The following PLXDC2 variants were observed in gnomAD, a reference collection of about 807,000 sequenced individuals.
PLXDC2 encodes the protein plexin domain containing 2.
PLXDC2 carries 40 observed loss-of-function variants against 68.9 expected under a neutral mutation model. That is an observed-to-expected ratio of 0.58 (90% CI 0.45 to 0.76). The LOEUF (loss-of-function observed/expected upper bound fraction) is 0.76, where lower values mean the gene tolerates loss of function less well. PLXDC2 is among the 30% of genes least tolerant of loss of function. The pLI is 0.00. For missense variants in PLXDC2, 644 were observed against 661.9 expected, an observed-to-expected ratio of 0.97 and a Z score of 0.30; for synonymous variants, 243 against 234.2, an observed-to-expected ratio of 1.04 and a Z score of -0.34.
intron 1 of PLXDC2, among the ~76,000 whole-genome samples, chr10:19,839,159 C>T (rs1589494041): frequency 6.7e-6 from 1 of 148,906 alleles, no homozygotes; most frequent in African/African-American, 2.5e-5. Flanking sequence ...GCACTCCAGC[C>T]TGAGAGACAA....
chr10:19,829,092 T>C (rs1202704337), intron 1 of PLXDC2, among the ~76,000 whole-genome samples: 1 of 151,824 alleles, frequency 6.6e-6, no homozygotes, highest in Non-Finnish European at 1.5e-5. Flanking sequence ...AGGATCCCCG[T>C]ACATTGTCTC....
intron 1 of PLXDC2, among the ~76,000 whole-genome samples, chr10:19,852,146 T>C (rs540730805): frequency 1.2e-4 from 19 of 152,116 alleles, no homozygotes; most frequent in Non-Finnish European, 2.5e-4. Flanking sequence ...GGCTCACACA[T>C]GTAATCCCAG....
At chr10:20,153,536 T>A (rs1430283111) in intron 6 of PLXDC2, among the ~76,000 whole-genome samples, 1 of 152,204 alleles carries the variant, frequency 6.6e-6, no homozygotes, top group Non-Finnish European at 1.5e-5. Flanking sequence ...GTAGAAATGA[T>A]CTTAATCTTG....
rs2119403519 is a variant in PLXDC2, at chr10:20,283,000, G to A, written c.*3181G>A. The A allele has an allele frequency of 6.6e-6, 1 of 152,238 alleles. No homozygotes were observed. The allele number at this position is 152,238 out of a possible 1,614,324, so 9.4% of individuals were successfully genotyped here. On this transcript the variant is annotated 3_prime_UTR_variant, in exon 14 of 14. Transcript: ENST00000377252. ...TCAGTCACACCAGCCACATTTCAAA[G>A]GCTCAATAGCCACGCCTGGCTTGTG... is the stretch of plus-strand genomic sequence containing the variant.
chr10:20,059,428 G>T (rs1016353489), intron 3 of PLXDC2, among the ~76,000 whole-genome samples: 2 of 152,136 alleles, frequency 1.3e-5, no homozygotes, highest in African/African-American at 4.8e-5. Flanking sequence ...TCACTTATTC[G>T]CAAGTTCATG....
At chr10:19,867,975 T>A (rs553141716) in intron 1 of PLXDC2, among the ~76,000 whole-genome samples, 1 of 152,334 alleles carries the variant, frequency 6.6e-6, no homozygotes, top group South Asian at 2.1e-4. Context: ...AAGTTTCAAC[T>A]AGGTTTAAAC....
chr10:19,879,211 A>G (rs1837685540), intron 1 of PLXDC2, among the ~76,000 whole-genome samples: 1 of 152,196 alleles, frequency 6.6e-6, no homozygotes, highest in Non-Finnish European at 1.5e-5. Flanking sequence ...ACAACTTCCA[A>G]AATACCCTAA....
chr10:20,072,493 GAGAA>G (rs55848042), intron 4 of PLXDC2, among the ~76,000 whole-genome samples: 1,296 of 80,750 alleles, frequency 0.016, 13 homozygotes, highest in Middle Eastern at 0.055. Flanking sequence ...AAGAAAGAAA[GAGAA>G]AGAAAGAAAG....
intron 4 of PLXDC2, among the ~76,000 whole-genome samples, chr10:20,097,108 A>G (rs898862765): frequency 6.6e-5 from 10 of 152,086 alleles, no homozygotes; most frequent in African/African-American, 2.4e-4. Flanking sequence ...CAGTGCTTTG[A>G]ATTGATCTAG....
At chr10:20,148,852 T>C (rs2131798831) in intron 6 of PLXDC2, among the ~76,000 whole-genome samples, 1 of 152,328 alleles carries the variant, frequency 6.6e-6, no homozygotes, top group Admixed American at 6.5e-5. Context: ...GAATGCCCTT[T>C]GGTCAAATCT....
intron 4 of PLXDC2, among the ~76,000 whole-genome samples, chr10:20,087,298 G>A (rs1833213071): frequency 6.6e-6 from 1 of 152,084 alleles, no homozygotes; most frequent in Non-Finnish European, 1.5e-5. Flanking sequence ...GTGTTCATGT[G>A]AGCTGTTTAG....
At chr10:19,867,878 C>G (rs1031739148) in intron 1 of PLXDC2, among the ~76,000 whole-genome samples, 3 of 152,048 alleles carry the variant, frequency 2.0e-5, no homozygotes, top group Non-Finnish European at 4.4e-5. Context: ...GAAGGAGAGC[C>G]TCTCTGAAAT....
intron 1 of PLXDC2, among the ~76,000 whole-genome samples, chr10:19,993,958 T>C (rs1239801615): frequency 6.6e-6 from 1 of 152,194 alleles, no homozygotes; most frequent in Non-Finnish European, 1.5e-5. Context: ...CCTCAGAGAT[T>C]GAACCCTTAT....
intron 1 of PLXDC2, among the ~76,000 whole-genome samples, chr10:19,940,166 T>C (rs1159346442): frequency 6.7e-6 from 1 of 150,050 alleles, no homozygotes; most frequent in Non-Finnish European, 1.5e-5. Context: ...AATAACGTGA[T>C]TTAATGTCAT....
intron 1 of PLXDC2, among the ~76,000 whole-genome samples, chr10:19,998,290 A>C (rs1370048946): frequency 2.0e-5 from 3 of 152,226 alleles, no homozygotes; most frequent in Non-Finnish European, 2.9e-5. Flanking sequence ...TTTACAATAT[A>C]GATAACGAAG....
intron 1 of PLXDC2, among the ~76,000 whole-genome samples, chr10:19,844,743 G>A (rs369083562): frequency 1.4e-4 from 21 of 151,876 alleles, no homozygotes; most frequent in South Asian, 2.1e-4. Context: ...CTACAGGCGC[G>A]CATCACTACA....
intron 4 of PLXDC2, among the ~76,000 whole-genome samples, chr10:20,116,334 CT>C (rs751642077): frequency 6.6e-6 from 1 of 152,174 alleles, no homozygotes; most frequent in Non-Finnish European, 1.5e-5. Flanking sequence ...ACCAGTTAAA[CT>C]AAGAGGAGAT....
intron 1 of PLXDC2, among the ~76,000 whole-genome samples, chr10:19,859,312 T>C (rs928468520): frequency 6.6e-6 from 1 of 152,152 alleles, no homozygotes; most frequent in Non-Finnish European, 1.5e-5. Flanking sequence ...CAATAGCAGA[T>C]GCCAAAGCAA....
intron 13 of PLXDC2, among the ~76,000 whole-genome samples, chr10:20,249,314 G>T (rs948458778): frequency 6.6e-6 from 1 of 152,166 alleles, no homozygotes; most frequent in South Asian, 2.1e-4. Flanking sequence ...TGAAGACTGT[G>T]TGTTAGTTTT....
Sources: allele counts gnomAD v4.1 joint callset (sites outside exome capture counted in the v4.1 genomes callset), GRCh38; gene constraint gnomAD v4.1.1; transcripts MANE v1.5; gene names NCBI Gene and HGNC (gene_info 2026-07-23, HGNC 2026-07-21).